The following CACNA1I variants were observed in gnomAD, a reference collection of about 807,000 sequenced individuals.
The protein encoded by CACNA1I is voltage-dependent T-type calcium channel subunit alpha-1I.
In CACNA1I, 74 loss-of-function variants were observed where a neutral mutation model predicts 201.6. That is an observed-to-expected ratio of 0.37 (90% CI 0.30 to 0.45). CACNA1I has a LOEUF of 0.45. CACNA1I is among the 20% of genes least tolerant of loss of function. The pLI, the probability that CACNA1I is intolerant of heterozygous loss-of-function variation, is 1.00. For missense variants in CACNA1I, 2,346 were observed against 3,138.1 expected (o/e 0.75, Z 6.03); for synonymous variants, 1,431 against 1,345.2 (o/e 1.06, Z -1.40).
At chr22:39,619,257 T>TGGCCCC in intron 3 of CACNA1I, 53 bp from the exon 4 acceptor site, 1 of 1,402,904 alleles carries the variant, frequency 7.1e-7, no homozygotes, top group Non-Finnish European at 1.0e-6. Context: ...GCCCGGGCCC[T>TGGCCCC]GGCCCCAGCT....
chr22:39,679,688 C>T (rs1935632997), intron 32 of CACNA1I, 34 bp from the exon 33 acceptor site: 2 of 1,557,716 alleles, frequency 1.3e-6, no homozygotes, highest in Non-Finnish European at 1.7e-6. Context: ...GGCTGATAAT[C>T]CCGCCTGTCC....
chr22:39,679,623 A>G, intron 32 of CACNA1I, 99 bp from the exon 33 acceptor site: 1 of 1,255,534 alleles, frequency 8.0e-7, no homozygotes, highest in Non-Finnish European at 1.1e-6. Flanking sequence ...CCATGGGCGC[A>G]GAGAACCAAC....
At chr22:39,622,199 G>T (rs895218436) in intron 4 of CACNA1I, among the ~76,000 whole-genome samples, 2 of 152,178 alleles carry the variant, frequency 1.3e-5, no homozygotes, top group African/African-American at 4.8e-5. Context: ...CCAAAGACAC[G>T]TGTGAAATGG....
chr22:39,587,604 A>C, intron 1 of CACNA1I: 1 of 319,442 alleles, frequency 3.1e-6, no homozygotes, highest in Non-Finnish European at 6.1e-6. Context: ...AGAAGACAGG[A>C]GGGTATGAGG....
chr22:39,675,323 AG>A (rs1355015238), intron 29 of CACNA1I, among the ~76,000 whole-genome samples: 1 of 152,198 alleles, frequency 6.6e-6, no homozygotes, highest in Non-Finnish European at 1.5e-5. Context: ...AGAGGCTGCT[AG>A]GGGTGGGGAT....
At position 39,654,390 on chromosome 22, in the gene CACNA1I, A is replaced by C. The variant is rs73885302; in HGVS notation, c.1993-3762A>C. On this transcript the variant is annotated intron_variant, in intron 10 of 36. Transcript: ENST00000402142. ...GAGGCTAACCACCAAGTTGGAGAAC[A>C]AAAAACAGAGGGTTGGGGCGCATGG... is the stretch of plus-strand genomic sequence containing the variant. Among the ~76,000 whole-genome samples the C allele has an allele frequency of 7.0e-3, 1,071 of 152,292 alleles. 13 individuals carry two copies. Among genetic ancestry groups the C allele is most frequent in the African/African-American group, 0.024 (1,015 of 41,578 alleles).
Position 39,659,565 on chromosome 22 carries a change from C to G in CACNA1I, c.2448+15C>G, listed in dbSNP as rs375623527. 1.4e-5 allele frequency: 22 copies of G among 1,602,618 alleles called. No homozygotes were observed. Among genetic ancestry groups the G allele is most frequent in the Non-Finnish European group, 1.8e-5 (21 of 1,170,574 alleles). ...CTGTGTTCCAGGTGAGTGGCCGCTGCGTGTTCATGTTTGCTGGGGAAGCGA... is the reference window on the plus strand; with the variant it reads ...CTGTGTTCCAGGTGAGTGGCCGCTGGGTGTTCATGTTTGCTGGGGAAGCGA... On this transcript the variant is annotated intron_variant, in intron 13 of 36. Transcript: ENST00000402142. The surrounding 1 kb of genome is among the most constrained non-coding windows in gnomAD (Gnocchi z 4.3).
At chr22:39,672,354 G>T in intron 27 of CACNA1I, 46 bp downstream of exon 27, 2 of 1,277,046 alleles carry the variant, frequency 1.6e-6, no homozygotes, top group Non-Finnish European at 2.3e-6. Flanking sequence ...TAGACTGCAG[G>T]ATGAAGAAGC....
rs1289889680 is a variant in CACNA1I at position 39,682,597 on chromosome 22, G to A, written c.5766G>A (p.Leu1922=). The A allele has an allele frequency of 6.2e-7, 1 of 1,613,642 alleles. No individual in the cohort carries two copies. Among genetic ancestry groups the A allele is most frequent in the Non-Finnish European group, 8.5e-7 (1 of 1,179,846 alleles). ...TAVSPDPENF[L]CEMEEIPFNP... ...TCTCGCCGGATCCAGAGAACTTCCT[G>A]TGTGAGATGGAGGAGATCCCATTCA... The change falls in exon 35 of 37, where the codon CTG becomes CTA. Residue 1922 remains leucine, a synonymous_variant. Coordinates refer to ENST00000402142, the MANE Select transcript of CACNA1I (RefSeq NM_021096.4).
chr22:39,628,826 C>A (rs1354239703), intron 4 of CACNA1I, among the ~76,000 whole-genome samples: 1 of 152,190 alleles, frequency 6.6e-6, no homozygotes, highest in Non-Finnish European at 1.5e-5. Context: ...AGCCTCGGCT[C>A]CCCTCGCCCC....
intron 1 of CACNA1I, among the ~76,000 whole-genome samples, chr22:39,573,034 G>A (rs1932237715): frequency 6.6e-6 from 1 of 152,190 alleles, no homozygotes. Context: ...GATTACAGGT[G>A]TGAGCCACTG....
intron 4 of CACNA1I, among the ~76,000 whole-genome samples, chr22:39,632,211 C>A (rs936495491): frequency 1.2e-4 from 19 of 152,196 alleles, no homozygotes; most frequent in Non-Finnish European, 2.9e-5. Context: ...TCTCCAGGCC[C>A]TTCTCATCCA....
In CACNA1I at chr22:39,665,070, G is replaced by A; in HGVS notation, c.3851+147G>A. ...CCAAACACCCTGAGCTGTTCCCGGG[G>A]GAGGGGTCTGCAGACCCTGGGGGTG... On this transcript the variant is annotated intron_variant, in intron 21 of 36. Coordinates refer to ENST00000402142, the MANE Select transcript of CACNA1I (RefSeq NM_021096.4). The surrounding 1 kb of genome is among the most constrained non-coding windows in gnomAD (Gnocchi z 5.5). The A allele has an allele frequency of 1.3e-6, 1 of 771,870 alleles. No individual in the cohort carries two copies. The highest frequency in any genetic ancestry group is 2.1e-6 in the Non-Finnish European group (1 of 482,760). The allele number at this position is 771,870 out of a possible 1,614,324, so 47.8% of individuals were successfully genotyped here.
chr22:39,643,477 A>C (rs1934399123), intron 7 of CACNA1I: 1 of 153,244 alleles, frequency 6.5e-6, no homozygotes, highest in Non-Finnish European at 1.5e-5. Context: ...TCCCAGAGTG[A>C]GCTCATCCAC....
chr22:39,593,794 T>C (rs978542063), intron 1 of CACNA1I, among the ~76,000 whole-genome samples: 4 of 152,196 alleles, frequency 2.6e-5, no homozygotes, highest in African/African-American at 9.7e-5. Context: ...TTCCAGCTGG[T>C]GACCTTGGGC....
At chr22:39,616,503 G>A (rs5750859) in intron 3 of CACNA1I, among the ~76,000 whole-genome samples, 122,535 of 152,036 alleles carry the variant, frequency 0.81, 49,789 homozygotes, top group South Asian at 0.91. Flanking sequence ...GGTGGCTCAC[G>A]CCTGTAATCC....
chr22:39,663,572 T>C, intron 18 of CACNA1I, 146 bp from the exon 19 acceptor site: 1 of 909,356 alleles, frequency 1.1e-6, no homozygotes, highest in South Asian at 1.7e-5. Context: ...TGAGCAGGTG[T>C]AGAGTCGGCA....
At chr22:39,638,587 A>G (rs1569074678) in intron 5 of CACNA1I, among the ~76,000 whole-genome samples, 1 of 152,036 alleles carries the variant, frequency 6.6e-6, no homozygotes, top group African/African-American at 2.4e-5. Flanking sequence ...ATTTTGTTCC[A>G]TTGGTGAGTG....
chr22:39,675,097 T>C (rs148908538), intron 29 of CACNA1I, among the ~76,000 whole-genome samples: 4 of 152,352 alleles, frequency 2.6e-5, no homozygotes, highest in African/African-American at 9.6e-5. Context: ...AGGAAGTAGA[T>C]TGGAGCCCCG....
Sources: gnomAD v4.1 joint callset for allele counts (sites outside exome capture counted in the v4.1 genomes callset) on GRCh38, gnomAD v4.1.1 for gene constraint, Gnocchi (gnomAD v3.1) non-coding constraint, MANE v1.5 for transcripts, NCBI Gene and HGNC (gene_info 2026-07-23, HGNC 2026-07-21) for gene names.